The following AFAP1L2 variants were observed in gnomAD, a reference collection of about 807,000 sequenced individuals.
AFAP1L2 encodes actin filament-associated protein 1-like 2.
AFAP1L2 carries 46 observed loss-of-function variants against 99.3 expected under a neutral mutation model. The ratio of observed to expected loss-of-function variants is 0.46; its 90% CI spans 0.37 to 0.59. The LOEUF is 0.59. Among genes scored for constraint, AFAP1L2 ranks in the 20% least tolerant of loss-of-function variants. AFAP1L2 has a pLI of 0.00. For missense variants in AFAP1L2, 959 were observed against 1,034.9 expected, an observed-to-expected ratio of 0.93 and a Z score of 1.01; for synonymous variants, 397 against 419.1, an observed-to-expected ratio of 0.95 and a Z score of 0.64.
At chr10:114,319,385 G>A (rs2044714687) in intron 5 of AFAP1L2, among the ~76,000 whole-genome samples, 2 of 142,062 alleles carry the variant, frequency 1.4e-5, no homozygotes, top group Admixed American at 1.4e-4. Context: ...GGGGGGTGGG[G>A]GCTGTGGAAA....
At chr10:114,317,078 G>A (rs566059565) in intron 5 of AFAP1L2, among the ~76,000 whole-genome samples, 5 of 152,156 alleles carry the variant, frequency 3.3e-5, no homozygotes, top group South Asian at 2.1e-4. Context: ...CCATAGACCC[G>A]TAAGTCTTGG....
intron 1 of AFAP1L2, among the ~76,000 whole-genome samples, chr10:114,362,092 C>T (rs887852290): frequency 4.6e-5 from 7 of 152,282 alleles, no homozygotes; most frequent in African/African-American, 1.2e-4. Context: ...CAAGTTTTAT[C>T]GCTTCTTTGA....
At chr10:114,313,213 C>G (rs889779530) in intron 7 of AFAP1L2, among the ~76,000 whole-genome samples, 1 of 152,074 alleles carries the variant, frequency 6.6e-6, no homozygotes, top group African/African-American at 2.4e-5. Context: ...GTTTGGAGGT[C>G]CCTCTGGAAC....
the AFAP1L2 span, among the ~76,000 whole-genome samples, chr10:114,287,609 C>G: frequency 6.6e-6 from 1 of 152,146 alleles, no homozygotes; most frequent in South Asian, 2.1e-4. Flanking sequence ...GGCGGAAGGA[C>G]AGGGATTGGC....
chr10:114,332,363 G>A (rs1191858117), intron 3 of AFAP1L2, among the ~76,000 whole-genome samples: 1 of 152,228 alleles, frequency 6.6e-6, no homozygotes, highest in Non-Finnish European at 1.5e-5. Flanking sequence ...GAGCCACACT[G>A]GGGAAGTGAG....
chr10:114,393,600 G>A (rs1479140196), intron 1 of AFAP1L2: 2 of 152,324 alleles, frequency 1.3e-5, no homozygotes, highest in Non-Finnish European at 2.9e-5. Context: ...GAGGGAAGTT[G>A]GGGGTGGAAT....
chr10:114,327,910 C>T (rs1033133750), intron 4 of AFAP1L2, among the ~76,000 whole-genome samples: 1 of 152,236 alleles, frequency 6.6e-6, no homozygotes, highest in African/African-American at 2.4e-5. Context: ...GGTGAGTGGA[C>T]AGGCCAGGCC....
intron 4 of AFAP1L2, among the ~76,000 whole-genome samples, chr10:114,329,857 C>T (rs775068232): frequency 3.9e-5 from 6 of 152,192 alleles, no homozygotes; most frequent in Middle Eastern, 3.2e-3. Flanking sequence ...CTAGTACTTC[C>T]CAACTGTGGG....
rs1253055869 is a variant in AFAP1L2, at chr10:114,327,167, A to T, written c.316-3906T>A. On this transcript the variant is annotated intron_variant, in intron 4 of 18. Coordinates refer to ENST00000304129, the MANE Select transcript of AFAP1L2 (RefSeq NM_001001936.3). ...TATATTTATATATATATATATATAT[A>T]TATATATTTTTTTTTTAGGCAGAGT... Among the ~76,000 whole-genome samples the T allele has an allele frequency of 5.0e-5, 4 of 79,542 alleles. 2 individuals carry two copies. The East Asian group carries it at 4.2e-3, about 84-fold the overall frequency. 52.2% of individuals were successfully genotyped at this position (79,542 alleles called of 152,430 possible). A position where few individuals can be genotyped will look rare whatever the true frequency, so the allele number is the denominator to read the frequency against.
At chr10:114,391,074 A>G (rs546168062) in intron 1 of AFAP1L2, among the ~76,000 whole-genome samples, 1 of 152,214 alleles carries the variant, frequency 6.6e-6, no homozygotes, top group African/African-American at 2.4e-5. Context: ...TAGACATTGT[A>G]AATCTCTCTC....
chr10:114,329,123 G>A (rs1319720437), intron 4 of AFAP1L2, among the ~76,000 whole-genome samples: 6 of 152,132 alleles, frequency 3.9e-5, no homozygotes, highest in East Asian at 1.9e-4. Context: ...CCATTCCTGG[G>A]TGCTGATATT....
chr10:114,345,061 C>G (rs1452963449), intron 1 of AFAP1L2, among the ~76,000 whole-genome samples: 1 of 151,186 alleles, frequency 6.6e-6, no homozygotes, highest in Non-Finnish European at 1.5e-5. Context: ...CACACCACTG[C>G]CCTCCAGCCT....
chr10:114,379,397 T>C (rs1487109756), intron 1 of AFAP1L2, among the ~76,000 whole-genome samples: 1 of 151,896 alleles, frequency 6.6e-6, no homozygotes, highest in East Asian at 1.9e-4. Context: ...GTCAGCAAAA[T>C]TGGGATCTTC....
At chr10:114,329,225 G>A (rs73365391) in intron 4 of AFAP1L2, among the ~76,000 whole-genome samples, 2,825 of 152,204 alleles carry the variant, frequency 0.019, 95 homozygotes, top group African/African-American at 0.065. Context: ...AGGGGGCCAC[G>A]CTCCCCTCCC....
At chr10:114,313,773 C>T (rs1406454185) in intron 7 of AFAP1L2, 98 bp downstream of exon 7, 3 of 1,281,342 alleles carry the variant, frequency 2.3e-6, no homozygotes, top group Non-Finnish European at 2.1e-6. Flanking sequence ...CTTGAAGGAT[C>T]ACAAATCCTC....
chr10:114,404,084 C>T (rs1037004134), intron 1 of AFAP1L2, among the ~76,000 whole-genome samples: 4 of 152,210 alleles, frequency 2.6e-5, no homozygotes, highest in African/African-American at 7.2e-5. Flanking sequence ...CCACCTTCTT[C>T]GGGGCTTCCT....
chr10:114,310,232 G>C, intron 8 of AFAP1L2, 122 bp downstream of exon 8: 4 of 1,046,878 alleles, frequency 3.8e-6, no homozygotes, highest in Non-Finnish European at 4.1e-6. Flanking sequence ...CCGGCCTCAA[G>C]CATTGTATGT....
downstream of AFAP1L2, chr10:114,294,683 T>TATCTA (rs1554867617): frequency 7.1e-6 from 3 of 420,170 alleles, no homozygotes; most frequent in Admixed American, 6.4e-5. Context: ...CTTTCAGCCT[T>TATCTA]ATCTATGCTC....
downstream of AFAP1L2, chr10:114,291,296 A>G (rs1204237732): frequency 1.3e-6 from 2 of 1,516,938 alleles, no homozygotes; most frequent in Non-Finnish European, 1.8e-6. Context: ...ACTACAGAGA[A>G]GGCCTGGGCA....
Sources: gnomAD v4.1 joint callset for allele counts (sites outside exome capture counted in the v4.1 genomes callset) on GRCh38, gnomAD v4.1.1 for gene constraint, MANE v1.5 for transcripts, NCBI Gene and HGNC (gene_info 2026-07-23, HGNC 2026-07-21) for gene names.